UNC13B: variants seen among roughly 807,000 people sequenced by gnomAD.
The protein encoded by UNC13B is unc-13 homolog B.
A neutral mutation model predicts 211.0 loss-of-function variants in UNC13B; 144 were observed. The ratio of observed to expected loss-of-function variants is 0.68; its 90% CI spans 0.60 to 0.78. The LOEUF (loss-of-function observed/expected upper bound fraction) is 0.78, where lower values mean the gene tolerates loss of function less well. Among genes scored for constraint, UNC13B ranks in the 30% least tolerant of loss-of-function variants. The pLI, the probability that UNC13B is intolerant of heterozygous loss-of-function variation, is 0.00. For synonymous variants in UNC13B, 709 were observed against 725.8 expected (o/e 0.98, Z 0.37); for missense variants, 1,777 against 2,002.0 (o/e 0.89, Z 2.14).
chr9:35,402,291 T>C (rs1836363854), intron 37 of UNC13B, among the ~76,000 whole-genome samples: 1 of 150,434 alleles, frequency 6.6e-6, no homozygotes, highest in Non-Finnish European at 1.5e-5. Flanking sequence ...TCTTTTTTTT[T>C]TTTTTTTTGA....
At chr9:35,299,135 G>A (rs1829546056) in intron 8 of UNC13B, among the ~76,000 whole-genome samples, 1 of 152,128 alleles carries the variant, frequency 6.6e-6, no homozygotes, top group Non-Finnish European at 1.5e-5. Flanking sequence ...GGGAGGCTGA[G>A]GCAGGAGAAT....
At chr9:35,193,452 G>C (rs561222899) in intron 1 of UNC13B, among the ~76,000 whole-genome samples, 8 of 152,078 alleles carry the variant, frequency 5.3e-5, no homozygotes, top group Admixed American at 3.3e-4. Flanking sequence ...TTCGAGACCA[G>C]CCTGACCAAC....
chr9:35,181,377 A>G (rs544597627), intron 1 of UNC13B, among the ~76,000 whole-genome samples: 3 of 152,334 alleles, frequency 2.0e-5, no homozygotes, highest in Admixed American at 1.3e-4. Context: ...TCAGTGATCT[A>G]GAAGCTGTGT....
At chr9:35,296,009 T>C in intron 8 of UNC13B, 79 bp downstream of exon 8, 1 of 1,364,704 alleles carries the variant, frequency 7.3e-7, no homozygotes, top group Admixed American at 2.1e-5. Flanking sequence ...ATTTGGATGC[T>C]TTAACCTGAA....
chr9:35,263,823 T>A (rs1030464716), intron 7 of UNC13B, among the ~76,000 whole-genome samples: 6 of 152,014 alleles, frequency 3.9e-5, no homozygotes, highest in African/African-American at 1.5e-4. Context: ...CCCTACCAAG[T>A]GAGGACACAG....
At chr9:35,267,267 G>T (rs1384587144) in intron 7 of UNC13B, among the ~76,000 whole-genome samples, 1 of 152,128 alleles carries the variant, frequency 6.6e-6, no homozygotes, top group Non-Finnish European at 1.5e-5. Context: ...TCTAGAAGTG[G>T]GAAAGTGAGC....
At chr9:35,246,750 G>A (rs1269138084) in intron 6 of UNC13B, among the ~76,000 whole-genome samples, 9 of 152,210 alleles carry the variant, frequency 5.9e-5, no homozygotes, top group Non-Finnish European at 1.2e-4. Context: ...TTTAATTACC[G>A]TAGCCTTGTA....
At chr9:35,210,609 C>T (rs900037622) in intron 1 of UNC13B, among the ~76,000 whole-genome samples, 5 of 152,196 alleles carry the variant, frequency 3.3e-5, no homozygotes, top group African/African-American at 7.2e-5. Flanking sequence ...CTGCAGCCTC[C>T]GCCTCCTGGG....
intron 1 of UNC13B, among the ~76,000 whole-genome samples, chr9:35,217,970 G>C (rs1824351257): frequency 6.6e-6 from 1 of 152,010 alleles, no homozygotes; most frequent in African/African-American, 2.4e-5. Flanking sequence ...GCTGCAGTGA[G>C]CTGTGTTTGC....
intron 11 of UNC13B, among the ~76,000 whole-genome samples, chr9:35,357,720 T>C (rs961646439): frequency 6.6e-6 from 1 of 152,134 alleles, no homozygotes; most frequent in Non-Finnish European, 1.5e-5. Context: ...AGACCTTGTC[T>C]TTACTAAAAA....
chr9:35,203,666 T>C (rs1303256438), intron 1 of UNC13B, among the ~76,000 whole-genome samples: 1 of 152,160 alleles, frequency 6.6e-6, no homozygotes, highest in Non-Finnish European at 1.5e-5. Flanking sequence ...GTGGAAGAAA[T>C]TTCCAACCAG....
chr9:35,239,157 A>G (rs1564085814), intron 5 of UNC13B, among the ~76,000 whole-genome samples: 1 of 151,952 alleles, frequency 6.6e-6, no homozygotes, highest in Admixed American at 6.6e-5. Context: ...CCAATGGTTA[A>G]TCTTTATTTG....
chr9:35,384,266 G>A lies in UNC13B; in HGVS notation c.10827G>A (p.Leu3609=). The A allele has an allele frequency of 2.5e-6, 4 of 1,613,994 alleles. No individual in the cohort carries two copies. Among genetic ancestry groups the A allele is most frequent in the Non-Finnish European group, 3.4e-6 (4 of 1,179,938 alleles). Residue 3609 remains leucine (L), a synonymous_variant, in exon 22 of 40, where the codon CTG becomes CTA. Transcript: ENST00000635942. ...SNFGKERFVK[L]LDQLHNSLRI... is the part of the protein sequence containing the mutation. ...CTCAGAAAGAGAGATTTGTAAAACT[G>A]CTGGACCAGCTACACAACTCACTGA...
rs183093514 is a variant in UNC13B, at chr9:35,190,410, A to T, written c.22+28105A>T. 2.0e-3 allele frequency among the ~76,000 whole-genome samples: 303 copies of T among 152,332 alleles called. 1 individual carries two copies. Among genetic ancestry groups the T allele is most frequent in the African/African-American group, 6.6e-3 (274 of 41,572 alleles). On this transcript the variant is annotated intron_variant, in intron 1 of 39. Coordinates refer to ENST00000635942, the MANE Select transcript of UNC13B (RefSeq NM_001371189.2). ...TTATTACACACCAAAGCTCTCTCAT[A>T]ATGTGAAGTAATTTGATATCCCCAA...
Position 35,304,646 on chromosome 9 carries a change from G to A in UNC13B, c.5242G>A (p.Val1748Met). The A allele has an allele frequency of 2.5e-6, 1 of 398,798 alleles. No homozygotes were observed. The highest frequency in any genetic ancestry group is 4.4e-6 in the Non-Finnish European group (1 of 225,924). The allele number at this position is 398,798 out of a possible 1,614,324, so 24.7% of individuals were successfully genotyped here. A position where few individuals can be genotyped will look rare whatever the true frequency, so the allele number is the denominator to read the frequency against. ...GSQQAEETSLVNKVASVFSVL... is the reference protein window; with the variant it reads ...GSQQAEETSLMNKVASVFSVL... ...ACAACAAGCAGAAGAGACATCATTA[G>A]TGAACAAAGTGGCTTCAGTATTTTC... The change falls in exon 9 of 40, where the codon GTG becomes ATG. Residue 1748 changes from valine to methionine, a missense_variant. Val to Met is a conservative substitution (Grantham distance 21). Transcript: ENST00000635942.
Position 35,303,925 on chromosome 9 carries a change from T to C in UNC13B, c.4521T>C (p.Tyr1507=), listed in dbSNP as rs1489495369. ...ACTTTGTTTTTTCAAGTTTTGGTTA[T>C]GAGTACCAGGAATGGTTGTCATGTC... is the stretch of plus-strand genomic sequence containing the variant. ...DENFVFSSFG[Y]EYQEWLSCLE... is the part of the protein sequence containing the mutation. Residue 1507 remains tyrosine, a synonymous_variant, in exon 9 of 40, where the codon TAT becomes TAC. Transcript: ENST00000635942. The C allele has an allele frequency of 1.5e-5, 6 of 398,668 alleles. No homozygotes were observed. The highest frequency in any genetic ancestry group is 2.7e-5 in the Non-Finnish European group (6 of 225,874). 24.7% of individuals were successfully genotyped at this position (398,668 alleles called of 1,614,324 possible). A position where few individuals can be genotyped will look rare whatever the true frequency, so the allele number is the denominator to read the frequency against.
intron 26 of UNC13B, among the ~76,000 whole-genome samples, chr9:35,391,357 T>A (rs2054200261): frequency 6.6e-6 from 1 of 152,216 alleles, no homozygotes; most frequent in African/African-American, 2.4e-5. Context: ...TCCTGCCATT[T>A]TATGTGTGGT....
At chr9:35,308,988 G>A (rs1830055306) in intron 9 of UNC13B, among the ~76,000 whole-genome samples, 1 of 152,102 alleles carries the variant, frequency 6.6e-6, no homozygotes, top group African/African-American at 2.4e-5. Context: ...TTCTTCCATG[G>A]TATCATCTCT....
intron 11 of UNC13B, among the ~76,000 whole-genome samples, chr9:35,328,350 G>T (rs1236823192): frequency 6.6e-6 from 1 of 152,034 alleles, no homozygotes; most frequent in Admixed American, 6.6e-5. Flanking sequence ...CATGAGCAAA[G>T]TCCCTCCACC....
Sources: allele counts gnomAD v4.1 joint callset (sites outside exome capture counted in the v4.1 genomes callset), GRCh38; gene constraint gnomAD v4.1.1; transcripts MANE v1.5; gene names NCBI Gene and HGNC (gene_info 2026-07-23, HGNC 2026-07-21).